Variants in SEC16A observed in about 807,000 individuals in gnomAD.
The protein encoded by SEC16A is protein transport protein Sec16A.
In SEC16A, 110 loss-of-function variants were observed where a neutral mutation model predicts 221.9. The ratio of observed to expected loss-of-function variants is 0.50; its 90% CI spans 0.42 to 0.58. The LOEUF is 0.58. SEC16A is among the 20% of genes least tolerant of loss of function. SEC16A has a pLI of 0.00. For synonymous variants in SEC16A, 1,393 were observed against 1,257.7 expected, an observed-to-expected ratio of 1.11 and a Z score of -2.28; for missense variants, 3,165 against 3,097.8, an observed-to-expected ratio of 1.02 and a Z score of -0.52.
At position 136,453,524 on chromosome 9, in the gene SEC16A, A is replaced by G. The variant is rs756394923; in HGVS notation, c.6077-14T>C. The G allele has an allele frequency of 3.7e-6, 6 of 1,606,532 alleles. No individual in the cohort carries two copies. Among genetic ancestry groups the G allele is most frequent in the Middle Eastern group, 3.3e-4 (2 of 6,046 alleles). Reference sequence around the variant, plus strand: ...GCGGCACTATCCCTGTCAACGGGAAAGAGAGCAACTATGATCTCAGTCACG... The same window carrying G: ...GCGGCACTATCCCTGTCAACGGGAAGGAGAGCAACTATGATCTCAGTCACG... On this transcript the variant is annotated splice_polypyrimidine_tract_variant and intron_variant, in intron 21 of 31. Transcript: ENST00000684901.
chr9:136,468,393 T>C (rs1840416019), intron 5 of SEC16A, 22 bp downstream of exon 5: 4 of 1,531,118 alleles, frequency 2.6e-6, no homozygotes, highest in Non-Finnish European at 3.6e-6. Flanking sequence ...TAAGGCCAGC[T>C]GCTTGGAGTT....
At chr9:136,484,533 G>A (rs199517827), upstream of SEC16A, 1 of 1,288,966 alleles carries the variant, frequency 7.8e-7, no homozygotes, top group Non-Finnish European at 1.0e-6. Context: ...CCAGAGGGCA[G>A]GCGCCGTGGT....
Position 136,445,092 on chromosome 9 carries a change from A to G in SEC16A, c.6887T>C (p.Met2296Thr), listed in dbSNP as rs887314199. 1 of 1,607,348 alleles carries G rather than the reference A, an allele frequency of 6.2e-7. No homozygotes were observed. Among genetic ancestry groups the G allele is most frequent in the Non-Finnish European group, 8.5e-7 (1 of 1,177,020 alleles). The stretch of plus-strand genomic sequence containing the variant: ...GCTCACTTCACGTGATAATGAACTC[A>G]TTGAACTACAGCGCGAAAGCTACAA... ...QGGELSRCSS[M>T]SSLSREVSQH... is the part of the protein sequence containing the mutation. Residue 2296 changes from methionine (M) to threonine (T), a missense_variant, in exon 30 of 32, where the codon ATG becomes ACG. This residue lies in a region of SEC16A where 1,088 missense variants were observed against 1,089.6 expected (regional missense o/e 1.00). Coordinates refer to ENST00000684901, the MANE Select transcript of SEC16A (RefSeq NM_014866.2).
At chr9:136,469,647 A>G (rs1449394964) in intron 4 of SEC16A, among the ~76,000 whole-genome samples, 1 of 152,238 alleles carries the variant, frequency 6.6e-6, no homozygotes, top group South Asian at 2.1e-4. Flanking sequence ...GCCTGGCTAA[A>G]AGGGTGAGAC....
chr9:136,458,518 C>T (rs1267684803), intron 17 of SEC16A, among the ~76,000 whole-genome samples: 1 of 151,856 alleles, frequency 6.6e-6, no homozygotes, highest in Non-Finnish European at 1.5e-5. Flanking sequence ...GTCCCAGCTA[C>T]TCGGGAGGCT....
rs764101190 is a variant in SEC16A at position 136,476,617 on chromosome 9, A to G, written c.999T>C (p.Leu333=). The change falls in exon 3 of 32, where the codon CTT becomes CTC. Residue 333 remains leucine, a synonymous_variant. Coordinates refer to ENST00000684901, the MANE Select transcript of SEC16A (RefSeq NM_014866.2). ...TATCTCCCCGGGCGAGGGGGTTCAC[A>G]AGAGCAGAGGCGGGCCGGTGCTCAT... The part of the protein sequence containing the change: ...VKNEHRPASA[L]VNPLARGDSP... 1.9e-6 allele frequency: 3 copies of G among 1,593,094 alleles called. No homozygotes were observed. The highest frequency in any genetic ancestry group is 4.5e-5 in the East Asian group (2 of 44,640).
Position 136,474,711 on chromosome 9 carries a change from G to C in SEC16A, c.2905C>G (p.Pro969Ala). Residue 969 changes from proline to alanine, a missense_variant, in exon 3 of 32, where the codon CCT (proline) becomes GCT (alanine). By Grantham distance (27) the Pro-to-Ala change is conservative (BLOSUM62 -1). This residue lies in a region of SEC16A where 2,030 missense variants were observed against 1,923.1 expected (regional missense o/e 1.06). Transcript: ENST00000684901. ...AGSTSVVLVP[P>A]AHGTLVPDGN... ...TCAGGCACCAGGGTGCCGTGTGCAG[G>C]TGGAACTAACACCACACTTGTGCTT... is the stretch of plus-strand genomic sequence containing the variant. The C allele has an allele frequency of 1.2e-6, 2 of 1,613,894 alleles. No homozygotes were observed. Among genetic ancestry groups the C allele is most frequent in the Non-Finnish European group, 1.7e-6 (2 of 1,179,906 alleles).
Position 136,477,013 on chromosome 9 carries a change from G to C in SEC16A, c.603C>G (p.Ser201=), listed in dbSNP as rs1841735848. 1 of 1,613,478 alleles carries C rather than the reference G, an allele frequency of 6.2e-7. No individual in the cohort carries two copies. Among genetic ancestry groups the C allele is most frequent in the Non-Finnish European group, 8.5e-7 (1 of 1,179,892 alleles). ...GCAGACCAGGCTGAGGGAGGGAAGG[G>C]GATGCTGCTGGGGTGACCACACCGT... ...PHDGVVTPAA[S]PSLPQPGLQM... The change falls in exon 3 of 32, where the codon TCC becomes TCG. Residue 201 remains serine, a synonymous_variant. Coordinates refer to ENST00000684901, the MANE Select transcript of SEC16A (RefSeq NM_014866.2).
At chr9:136,458,298 C>G (rs188301208) in intron 17 of SEC16A, among the ~76,000 whole-genome samples, 1 of 152,088 alleles carries the variant, frequency 6.6e-6, no homozygotes, top group Admixed American at 6.6e-5. Context: ...ACACCACCCC[C>G]ACACTGCATC....
rs373377796 is a variant in SEC16A at position 136,462,925 on chromosome 9, C to G, written c.4855G>C (p.Glu1619Gln). The G allele has an allele frequency of 1.9e-6, 3 of 1,603,480 alleles. No homozygotes were observed. The highest frequency in any genetic ancestry group is 2.5e-6 in the Non-Finnish European group (3 of 1,179,820). Reference sequence around the variant, plus strand: ...TACAGCAACAGCTCCCTGAACCTCTCGGTCTCTCTCTCGAGCGAGCTGGCG... The same window carrying G: ...TACAGCAACAGCTCCCTGAACCTCTGGGTCTCTCTCTCGAGCGAGCTGGCG... ...AAASSLERET[E>Q]RFRELLLYGR... is the part of the protein sequence containing the mutation. The change falls in exon 12 of 32, where the codon GAG becomes CAG. Residue 1619 changes from glutamate to glutamine, a missense_variant. Physicochemically the swap from Glu to Gln is conservative, Grantham distance 29 (BLOSUM62 2). Transcript: ENST00000684901.
intron 18 of SEC16A, among the ~76,000 whole-genome samples, chr9:136,456,767 T>C (rs931375224): frequency 6.6e-6 from 1 of 152,124 alleles, no homozygotes; most frequent in African/African-American, 2.4e-5. Context: ...GCCTCTGTTT[T>C]ACAGGCGAAG....
At position 136,476,254 on chromosome 9, in the gene SEC16A, C is replaced by T. The variant is rs770011005; in HGVS notation, c.1362G>A (p.Ser454=). 27 of 1,613,206 alleles carry T rather than the reference C, an allele frequency of 1.7e-5. No individual in the cohort carries two copies. The highest frequency in any genetic ancestry group is 2.7e-5 in the African/African-American group (2 of 74,902). Residue 454 remains serine, a synonymous_variant, in exon 3 of 32, where the codon TCG becomes TCA. Coordinates refer to ENST00000684901, the MANE Select transcript of SEC16A (RefSeq NM_014866.2). The stretch of plus-strand genomic sequence containing the variant: ...CTAAGTTCTCAACATTCTCATACTG[C>T]GAGCCGCTGGCATCCGGCACCCCTG... The part of the protein sequence containing the change: ...ASTGVPDASG[S]QYENVENLEF...
intron 29 of SEC16A, 45 bp downstream of exon 29, chr9:136,445,600 G>A (rs1209056017): frequency 7.0e-7 from 1 of 1,422,468 alleles, no homozygotes; most frequent in Admixed American, 2.0e-5. Flanking sequence ...GTGAGCTGCT[G>A]GGGAGGCCTG....
In SEC16A at chr9:136,474,140, T is replaced by A. The variant is rs749566583; in HGVS notation, c.3476A>T (p.Tyr1159Phe). Residue 1159 changes from tyrosine to phenylalanine, a missense_variant, in exon 3 of 32, where the codon TAC becomes TTC. Physicochemically the swap from Tyr to Phe is conservative, Grantham distance 22. Transcript: ENST00000684901. The stretch of plus-strand genomic sequence containing the variant: ...ATCGTACAAAGGCCGGTAGTAGTAG[T>A]AGGCGGCCAGGTCCTGAGGCGGTGG... The part of the protein sequence containing the change: ...PGPPPQDLAA[Y>F]YYYRPLYDAY... 8.7e-6 allele frequency: 14 copies of A among 1,613,148 alleles called. No homozygotes were observed. In the African/African-American group the frequency reaches 1.5e-4, roughly 17 times the overall value.
chr9:136,463,050 G>A lies in SEC16A; in HGVS notation c.4730C>T (p.Ala1577Val), dbSNP rs749597968. ...CTCATTCGTGAAATCAATCAGGTTT[G>A]CTTCATTGGGCGACTTCCCAGGAAG... ...VWLPGKSPNEANLIDFTNEAV... is the reference protein window; with the variant it reads ...VWLPGKSPNEVNLIDFTNEAV... Residue 1577 changes from alanine to valine, a missense_variant, in exon 12 of 32, where the codon GCA (alanine) becomes GTA (valine). Ala to Val is a moderately conservative substitution (Grantham distance 64). Coordinates refer to ENST00000684901, the MANE Select transcript of SEC16A (RefSeq NM_014866.2). 5.0e-6 allele frequency: 8 copies of A among 1,612,532 alleles called. No individual in the cohort carries two copies. The highest frequency in any genetic ancestry group is 2.2e-5 in the East Asian group (1 of 44,900).
At chr9:136,467,128 A>G in intron 5 of SEC16A, 45 bp from the exon 6 acceptor site, 3 of 1,611,260 alleles carry the variant, frequency 1.9e-6, no homozygotes, top group Non-Finnish European at 2.5e-6. Flanking sequence ...ATGCAAAAGA[A>G]GAAATGCCTC....
rs1361169076 is a variant in SEC16A, at chr9:136,459,251, G to A, written c.5304-12C>T. 1 of 1,609,998 alleles carries A rather than the reference G, an allele frequency of 6.2e-7. No homozygotes were observed. Among genetic ancestry groups the A allele is most frequent in the Non-Finnish European group, 8.5e-7 (1 of 1,177,948 alleles). ...TTAAGAATGGCAAACTGTAGAGGAA[G>A]TGAATTATTTTGATTTGGAAAAAAT... is the stretch of plus-strand genomic sequence containing the variant. On this transcript the variant is annotated splice_polypyrimidine_tract_variant and intron_variant, in intron 16 of 31. Transcript: ENST00000684901. This position sits in a 1 kb window ranked among gnomAD's most constrained non-coding sequence, Gnocchi z 6.1.
At chr9:136,455,827 G>A (rs371346708) in intron 19 of SEC16A, 34 bp from the exon 20 acceptor site, 55 of 1,546,322 alleles carry the variant, frequency 3.6e-5, no homozygotes, top group Non-Finnish European at 4.3e-5. Flanking sequence ...TGTGGAAGCC[G>A]CCTGTGGCCG....
intron 8 of SEC16A, among the ~76,000 whole-genome samples, chr9:136,464,916 T>C (rs549568666): frequency 1.0e-3 from 152 of 152,174 alleles, no homozygotes; most frequent in Non-Finnish European, 2.0e-3. Context: ...CAGACTGCGA[T>C]GACCACACAG....
Sources: allele counts gnomAD v4.1 joint callset (sites outside exome capture counted in the v4.1 genomes callset), GRCh38; gene constraint gnomAD v4.1.1; regional missense constraint gnomAD v4.1.1; non-coding constraint Gnocchi (gnomAD v3.1); transcripts MANE v1.5; gene names NCBI Gene and HGNC (gene_info 2026-07-23, HGNC 2026-07-21).